Variants in ARHGAP23 observed in about 807,000 individuals in gnomAD.
ARHGAP23 encodes rho GTPase-activating protein 23.
In ARHGAP23, 34 loss-of-function variants were observed where a neutral mutation model predicts 136.3. The observed-to-expected ratio is 0.25, with a 90% CI of 0.19 to 0.33. The LOEUF (loss-of-function observed/expected upper bound fraction) is 0.33. ARHGAP23 is among the 10% of genes least tolerant of loss of function. ARHGAP23 has a pLI of 1.00. For synonymous variants in ARHGAP23, 832 were observed against 920.5 expected (o/e 0.90, Z 1.74); for missense variants, 1,808 against 2,139.0 (o/e 0.85, Z 3.05).
At position 38,511,033 on chromosome 17, in the gene ARHGAP23, G is replaced by T; in HGVS notation, c.*61G>T. 1 of 1,368,644 alleles carries T rather than the reference G, an allele frequency of 7.3e-7. No homozygotes were observed. The allele number at this position is 1,368,644 out of a possible 1,614,324, so 84.8% of individuals were successfully genotyped here. ...CCTAGAGCCCCTTTGGAACCAGGAG[G>T]CTTCACCAGCCTGCACCTCCTCTTC... On this transcript the variant is annotated 3_prime_UTR_variant, in exon 24 of 24. Transcript: ENST00000622683.
chr17:38,440,466 T>C (rs1043888963), intron 1 of ARHGAP23, among the ~76,000 whole-genome samples: 1 of 152,258 alleles, frequency 6.6e-6, no homozygotes, highest in African/African-American at 2.4e-5. Flanking sequence ...AACTTCTACA[T>C]GCCAGGCACT....
chr17:38,500,793 G>A, intron 23 of ARHGAP23, 165 bp downstream of exon 23: 1 of 674,534 alleles, frequency 1.5e-6, no homozygotes, highest in African/African-American at 1.8e-5. Flanking sequence ...CTGAGAAATT[G>A]CTTACCTTGG....
In ARHGAP23 at chr17:38,467,203, G is replaced by A. The variant is rs1305319356; in HGVS notation, c.1520G>A (p.Arg507Lys). 1 of 1,550,850 alleles carries A rather than the reference G, an allele frequency of 6.4e-7. No homozygotes were observed. Among genetic ancestry groups the A allele is most frequent in the East Asian group, 2.4e-5 (1 of 40,924 alleles). ...CGCAAGGTTCAGCTGACCCCCGCAA[G>A]ACAGATGAACCTTGGATTTGGTGAC... ...TGRKVQLTPARQMNLGFGDES... is the reference protein window; with the variant it reads ...TGRKVQLTPAKQMNLGFGDES... The change falls in exon 7 of 24, where the codon AGA becomes AAA. Residue 507 changes from arginine to lysine, a missense_variant. Physicochemically the swap from Arg to Lys is conservative, Grantham distance 26. Around this residue, in one of 7 missense-constraint regions of ARHGAP23, gnomAD observed 859 missense variants for 936.4 expected, o/e 0.92. Coordinates refer to ENST00000622683, the MANE Select transcript of ARHGAP23 (RefSeq NM_001199417.2).
chr17:38,444,881 G>A (rs1252591151), intron 1 of ARHGAP23, among the ~76,000 whole-genome samples: 2 of 151,586 alleles, frequency 1.3e-5, no homozygotes, highest in Non-Finnish European at 2.9e-5. Flanking sequence ...GCAATGGCGT[G>A]ATCTCGGCTC....
chr17:38,498,883 GT>G (rs2040454408), intron 22 of ARHGAP23: 22 of 642,626 alleles, frequency 3.4e-5, no homozygotes, highest in Non-Finnish European at 5.2e-5. Flanking sequence ...TCTTCTCCCC[GT>G]GCTCTCCTCC....
At position 38,510,925 on chromosome 17, in the gene ARHGAP23, C is replaced by T. The variant is rs1298024201; in HGVS notation, c.4429C>T (p.Gln1477Ter). 1 of 1,481,156 alleles carries T rather than the reference C, an allele frequency of 6.8e-7. No individual in the cohort carries two copies. The highest frequency in any genetic ancestry group is 8.9e-7 in the Non-Finnish European group (1 of 1,126,172). The allele number at this position is 1,481,156 out of a possible 1,614,324, so 91.8% of individuals were successfully genotyped here. A position where few individuals can be genotyped will look rare whatever the true frequency, so the allele number is the denominator to read the frequency against. Residue 1477 changes from glutamine (Q) to a stop codon, truncating the protein, a stop_gained, in exon 24 of 24, where the codon CAG becomes TAG. Transcript: ENST00000622683. LOFTEE classifies it high-confidence loss of function. The surrounding 1 kb of genome is among the most constrained non-coding windows in gnomAD (Gnocchi z 4.6). The part of the protein sequence containing the change: ...APGDTGSLQS[Q>*]PPRRSAASRL... ...CGGGGACACGGGGTCCCTGCAGAGC[C>T]AGCCCCCGCGCCGCTCGGCCGCCTC...
chr17:38,484,035 G>A (rs1380233076), intron 16 of ARHGAP23, among the ~76,000 whole-genome samples: 1 of 152,124 alleles, frequency 6.6e-6, no homozygotes, highest in East Asian at 1.9e-4. Flanking sequence ...AGCTTCTGAT[G>A]GTTCTTAAGC....
intron 23 of ARHGAP23, among the ~76,000 whole-genome samples, chr17:38,501,923 TTAAA>T (rs2040530128): frequency 6.6e-6 from 1 of 151,056 alleles, no homozygotes; most frequent in Non-Finnish European, 1.5e-5. Flanking sequence ...ATTGATATAT[TTAAA>T]TAGTTATTTA....
rs1226729967 is a variant in ARHGAP23 at position 38,477,734 on chromosome 17, C to T, written c.2274C>T (p.Ile758=). ...AGEDEAAPVC[I]GSCLVDISYS... is the part of the protein sequence containing the mutation. Reference sequence around the variant, plus strand: ...AGGACGAGGCGGCGCCCGTCTGCATCGGCTCCTGCCTCGTGGACATCTCCT... The same window carrying T: ...AGGACGAGGCGGCGCCCGTCTGCATTGGCTCCTGCCTCGTGGACATCTCCT... Residue 758 remains isoleucine, a synonymous_variant, in exon 12 of 24, where the codon ATC becomes ATT. Coordinates refer to ENST00000622683, the MANE Select transcript of ARHGAP23 (RefSeq NM_001199417.2). The surrounding 1 kb of genome is among the most constrained non-coding windows in gnomAD (Gnocchi z 6.6). 5.8e-6 allele frequency: 9 copies of T among 1,547,710 alleles called. No individual in the cohort carries two copies. The highest frequency in any genetic ancestry group is 2.4e-5 in the East Asian group (1 of 40,832).
In ARHGAP23 at chr17:38,458,210, CTG is replaced by C; in HGVS notation, c.173_174del (p.Leu58ProfsTer53). 1 of 1,536,048 alleles carries C rather than the reference CTG, an allele frequency of 6.5e-7. No homozygotes were observed. The highest frequency in any genetic ancestry group is 8.7e-7 in the Non-Finnish European group (1 of 1,146,836). On this transcript the variant is annotated frameshift_variant, in exon 2 of 24. Transcript: ENST00000622683. LOFTEE classifies it high-confidence loss of function. ...KSPQDGFGFTLRHFIVYPPES... is the reference protein window; with the variant it reads ...KSPQDGFGFTXRHFIVYPPES... ...TCCCCAGGACGGCTTTGGCTTCACT[CTG>C]CGCCACTTCATCGTGTACCCACCCG...
At position 38,428,542 on chromosome 17, in the gene ARHGAP23, C is replaced by G. The variant is rs944968097; in HGVS notation, c.57C>G (p.Pro19=). ...VGIPPRPEPR[P]PQLPLGPRDG... The stretch of plus-strand genomic sequence containing the variant: ...TCCCGCCCCGCCCGGAGCCCCGGCC[C>G]CCACAGGTGAGGGTGCTGGGCCAGG... The change falls in exon 1 of 24, where the codon CCC becomes CCG. Residue 19 remains proline (P), a synonymous_variant. Transcript: ENST00000622683. 6.9e-7 allele frequency: 1 copy of G among 1,451,296 alleles called. No homozygotes were observed. 89.9% of individuals were successfully genotyped at this position (1,451,296 alleles called of 1,614,324 possible). A position where few individuals can be genotyped will look rare whatever the true frequency, so the allele number is the denominator to read the frequency against.
At chr17:38,476,373 G>A (rs1016688930) in intron 11 of ARHGAP23, among the ~76,000 whole-genome samples, 5 of 152,152 alleles carry the variant, frequency 3.3e-5, no homozygotes, top group African/African-American at 1.2e-4. Context: ...TCAAGGGCGA[G>A]GAAAAGGGAG....
chr17:38,457,896 A>G (rs1376679046), intron 1 of ARHGAP23: 2 of 615,812 alleles, frequency 3.2e-6, no homozygotes, highest in African/African-American at 3.7e-5. Context: ...GGGGAAAGGA[A>G]AGAAGGAAAA....
chr17:38,442,118 G>A (rs2038934823), intron 1 of ARHGAP23, among the ~76,000 whole-genome samples: 1 of 152,176 alleles, frequency 6.6e-6, no homozygotes. Flanking sequence ...ACGGCACCTG[G>A]CTAATTTTTA....
At chr17:38,492,775 CTG>C (rs1291001104) in intron 20 of ARHGAP23, among the ~76,000 whole-genome samples, 1 of 152,248 alleles carries the variant, frequency 6.6e-6, no homozygotes, top group African/African-American at 2.4e-5. Context: ...CACTCCAGAG[CTG>C]TCTGGGAGGC....
At chr17:38,489,342 T>C (rs539263420) in intron 17 of ARHGAP23, among the ~76,000 whole-genome samples, 215 of 152,320 alleles carry the variant, frequency 1.4e-3, no homozygotes, top group Non-Finnish European at 2.2e-3. Context: ...TGCATTTGTG[T>C]ATTGTGAGCT....
rs1193617534 is a variant in ARHGAP23 at position 38,463,106 on chromosome 17, C to T, written c.350-12C>T. On this transcript the variant is annotated splice_polypyrimidine_tract_variant and intron_variant, in intron 4 of 23. Coordinates refer to ENST00000622683, the MANE Select transcript of ARHGAP23 (RefSeq NM_001199417.2). ...GCCCTTTGGTCACCACTCATGCGCT[C>T]CTTGTCCCCAGGAGACCGGCTGGTA... 5 of 1,550,922 alleles carry T rather than the reference C, an allele frequency of 3.2e-6. No individual in the cohort carries two copies. Among genetic ancestry groups the T allele is most frequent in the Admixed American group, 2.0e-5 (1 of 50,934 alleles).
intron 23 of ARHGAP23, among the ~76,000 whole-genome samples, chr17:38,509,656 A>C (rs1306717240): frequency 6.6e-6 from 1 of 151,974 alleles, no homozygotes; most frequent in Non-Finnish European, 1.5e-5. Flanking sequence ...TGTCTAAAGG[A>C]TTTAGCCAGG....
rs768918839 is a variant in ARHGAP23, at chr17:38,462,863, C to T, written c.271C>T (p.Arg91Cys). 6.2e-5 allele frequency: 94 copies of T among 1,523,718 alleles called. No individual in the cohort carries two copies. The highest frequency in any genetic ancestry group is 1.7e-4 in the Middle Eastern group (1 of 5,922). The allele number at this position is 1,523,718 out of a possible 1,614,324, so 94.4% of individuals were successfully genotyped here. ...GRGGGPSPRYRLEPMDTIFVK... is the reference protein window; with the variant it reads ...GRGGGPSPRYCLEPMDTIFVK... ...CCCACTAGGACCCTCCCCCCGGTAC[C>T]GCCTGGAGCCCATGGACACCATCTT... is the stretch of plus-strand genomic sequence containing the variant. The change falls in exon 4 of 24, where the codon CGC becomes TGC. Residue 91 changes from arginine (R) to cysteine (C), a missense_variant. This residue lies in a region of ARHGAP23 where 859 missense variants were observed against 936.4 expected (regional missense o/e 0.92). Coordinates refer to ENST00000622683, the MANE Select transcript of ARHGAP23 (RefSeq NM_001199417.2).
Sources: allele counts gnomAD v4.1 joint callset (sites outside exome capture counted in the v4.1 genomes callset), GRCh38; gene constraint gnomAD v4.1.1; regional missense constraint gnomAD v4.1.1; non-coding constraint Gnocchi (gnomAD v3.1); transcripts MANE v1.5; gene names NCBI Gene and HGNC (gene_info 2026-07-23, HGNC 2026-07-21).